ARB2A: variants seen among roughly 807,000 people sequenced by gnomAD.
ARB2A encodes the protein ARB2 cotranscriptional regulator A, also known as cotranscriptional regulator ARB2A.
At chr5:94,042,616 G>T in the ARB2A span, among the ~76,000 whole-genome samples, 1 of 152,050 alleles carries the variant, frequency 6.6e-6, no homozygotes, top group Admixed American at 6.6e-5. Context: ...CAAAAGATCT[G>T]CTTTTAACAA....
the ARB2A span, among the ~76,000 whole-genome samples, chr5:93,649,443 A>C: frequency 6.6e-6 from 1 of 152,164 alleles, no homozygotes; most frequent in Non-Finnish European, 1.5e-5. Flanking sequence ...GCTAGCCAGA[A>C]CCCAAGCAGA....
the ARB2A span, among the ~76,000 whole-genome samples, chr5:93,952,035 G>A: frequency 6.6e-6 from 1 of 152,086 alleles, no homozygotes; most frequent in Non-Finnish European, 1.5e-5. Flanking sequence ...GGGACTAAGA[G>A]GTGGGAACTA....
chr5:93,675,872 G>A, the ARB2A span, among the ~76,000 whole-genome samples: 1 of 152,082 alleles, frequency 6.6e-6, no homozygotes, highest in African/African-American at 2.4e-5. Flanking sequence ...CAGTTTAATT[G>A]CAAACTACTT....
the ARB2A span, among the ~76,000 whole-genome samples, chr5:94,103,499 G>C: frequency 3.9e-5 from 6 of 151,942 alleles, no homozygotes; most frequent in African/African-American, 1.4e-4. Context: ...TCCAACATTG[G>C]AGCACCCAGA....
the ARB2A span, among the ~76,000 whole-genome samples, chr5:93,903,652 C>A: frequency 1.3e-5 from 2 of 151,452 alleles, no homozygotes; most frequent in African/African-American, 4.9e-5. Context: ...TTCAAAGGAG[C>A]ATAACATACA....
the ARB2A span, among the ~76,000 whole-genome samples, chr5:93,744,484 T>A: frequency 6.8e-6 from 1 of 147,406 alleles, no homozygotes; most frequent in Non-Finnish European, 1.5e-5. Context: ...TATATTAACT[T>A]GATGGGTTTT....
chr5:93,823,846 T>C, the ARB2A span, among the ~76,000 whole-genome samples: 2 of 151,912 alleles, frequency 1.3e-5, no homozygotes, highest in African/African-American at 2.4e-5. Context: ...TCCCAGCTAC[T>C]TGGGAGGCTG....
chr5:93,743,006 G>A, the ARB2A span: 1 of 152,202 alleles, frequency 6.6e-6, no homozygotes, highest in Non-Finnish European at 1.5e-5. Flanking sequence ...TCCACAGGGT[G>A]TCAAATCTTA....
chr5:93,932,994 T>C, the ARB2A span, among the ~76,000 whole-genome samples: 1 of 152,140 alleles, frequency 6.6e-6, no homozygotes, highest in Non-Finnish European at 1.5e-5. Flanking sequence ...CAGCAAAGGA[T>C]ATGAACAGAC....
chr5:94,069,073 G>GATAGAT, the ARB2A span, among the ~76,000 whole-genome samples: 1 of 151,766 alleles, frequency 6.6e-6, no homozygotes, highest in Non-Finnish European at 1.5e-5. Context: ...TAGATAGATA[G>GATAGAT]ATAGATAGAT....
the ARB2A span, among the ~76,000 whole-genome samples, chr5:94,099,406 C>T: frequency 1.3e-5 from 2 of 151,752 alleles, no homozygotes; most frequent in Non-Finnish European, 2.9e-5. Context: ...GGGTGGATCA[C>T]GAGGTCAGGA....
At chr5:93,920,347 G>A in the ARB2A span, among the ~76,000 whole-genome samples, 4 of 152,276 alleles carry the variant, frequency 2.6e-5, no homozygotes, top group African/African-American at 7.2e-5. Context: ...AGGTTTAGCA[G>A]TGTTAACACA....
the ARB2A span, among the ~76,000 whole-genome samples, chr5:93,876,099 C>T: frequency 6.6e-6 from 1 of 152,132 alleles, no homozygotes; most frequent in East Asian, 1.9e-4. Flanking sequence ...TTAATTAACA[C>T]ATTATACAAA....
the ARB2A span, among the ~76,000 whole-genome samples, chr5:94,063,014 G>A: frequency 1.3e-5 from 2 of 152,198 alleles, no homozygotes; most frequent in African/African-American, 4.8e-5. Flanking sequence ...ATTTATCTAT[G>A]GCTAGAGCCA....
the ARB2A span, among the ~76,000 whole-genome samples, chr5:93,717,866 G>A: frequency 1.4e-5 from 2 of 141,816 alleles, no homozygotes; most frequent in African/African-American, 5.3e-5. Context: ...ACGGAGTCTC[G>A]CTCTGTCACA....
the ARB2A span, among the ~76,000 whole-genome samples, chr5:93,867,732 A>G: frequency 3.3e-5 from 5 of 152,170 alleles, no homozygotes; most frequent in African/African-American, 1.2e-4. Flanking sequence ...GAGAACAAGA[A>G]TTAAGGAAAG....
At chr5:94,051,814 T>G in the ARB2A span, among the ~76,000 whole-genome samples, 1 of 152,178 alleles carries the variant, frequency 6.6e-6, no homozygotes, top group Non-Finnish European at 1.5e-5. Context: ...AATCTACATT[T>G]ATTTTTATTT....
At chr5:93,732,252 C>A in the ARB2A span, among the ~76,000 whole-genome samples, 1 of 152,162 alleles carries the variant, frequency 6.6e-6, no homozygotes, top group African/African-American at 2.4e-5. Flanking sequence ...GGGATGTAAT[C>A]ACAGGAACTG....
At chr5:93,772,672 G>A in the ARB2A span, among the ~76,000 whole-genome samples, 1 of 152,280 alleles carries the variant, frequency 6.6e-6, no homozygotes, top group African/African-American at 2.4e-5. Flanking sequence ...TGGGGTTGCA[G>A]TCATCTCAAA....
Sources: allele counts gnomAD v4.1 joint callset (sites outside exome capture counted in the v4.1 genomes callset), GRCh38; gene constraint gnomAD v4.1.1; transcripts MANE v1.5; gene names NCBI Gene and HGNC (gene_info 2026-07-23, HGNC 2026-07-21).